Variants in GK5 observed in about 807,000 individuals in gnomAD.
GK5 encodes glycerol kinase 5.
A neutral mutation model predicts 77.3 loss-of-function variants in GK5; 39 were observed. The ratio of observed to expected loss-of-function variants is 0.50; its 90% CI spans 0.39 to 0.66. The LOEUF is 0.66. Ranked by LOEUF, GK5 falls within the 30% of genes least tolerant of loss-of-function variation. GK5 has a pLI of 0.00. For missense variants in GK5, 487 were observed against 633.8 expected, an observed-to-expected ratio of 0.77 and a Z score of 2.49; for synonymous variants, 211 against 208.0, an observed-to-expected ratio of 1.01 and a Z score of -0.13.
rs1160975293 is a variant in GK5 at position 142,165,368 on chromosome 3, C to T, written c.*254G>A. 1 of 327,418 alleles carries T rather than the reference C, an allele frequency of 3.1e-6. No homozygotes were observed. The highest frequency in any genetic ancestry group is 5.5e-6 in the Non-Finnish European group (1 of 183,278). The allele number at this position is 327,418 out of a possible 1,614,324, so 20.3% of individuals were successfully genotyped here. The stretch of plus-strand genomic sequence containing the variant: ...ACTGTCAAAATGTGGTTGGAAATGA[C>T]TAATGTCCTTTGGAATTTGCTACAA... On this transcript the variant is annotated 3_prime_UTR_variant, in exon 16 of 16. Transcript: ENST00000392993.
At chr3:142,185,499 A>G (rs543132689) in intron 9 of GK5, 1 of 996,070 alleles carries the variant, frequency 1.0e-6, no homozygotes, top group South Asian at 4.0e-5. Flanking sequence ...GGACTTTATT[A>G]AATGTACATA....
chr3:142,201,554 T>C (rs1414171190), intron 4 of GK5, among the ~76,000 whole-genome samples: 1 of 152,182 alleles, frequency 6.6e-6, no homozygotes, highest in Non-Finnish European at 1.5e-5. Context: ...ATCTTTGTAG[T>C]GACGGAACTG....
intron 5 of GK5, 40 bp downstream of exon 5, chr3:142,198,762 A>T: frequency 6.4e-7 from 1 of 1,550,778 alleles, no homozygotes; most frequent in East Asian, 2.3e-5. Context: ...TGGTTTCCAC[A>T]TACACACATA....
In GK5 at chr3:142,170,218, G is replaced by A. The variant is rs1351417611; in HGVS notation, c.1441+107C>T. On this transcript the variant is annotated intron_variant, in intron 15 of 15. Coordinates refer to ENST00000392993, the MANE Select transcript of GK5 (RefSeq NM_001039547.3). ...CATATGTGTATGGAGTTTAATGGAC[G>A]CCAAGGCTTTCCAGACTCTCTAGAA... The A allele has an allele frequency of 1.1e-5, 13 of 1,171,018 alleles. No homozygotes were observed. The African/African-American group carries it at 1.2e-4, about 11-fold the overall frequency. The allele number at this position is 1,171,018 out of a possible 1,614,324, so 72.5% of individuals were successfully genotyped here. A position where few individuals can be genotyped will look rare whatever the true frequency, so the allele number is the denominator to read the frequency against.
At chr3:142,195,055 G>A (rs1006843712) in intron 5 of GK5, among the ~76,000 whole-genome samples, 6 of 151,714 alleles carry the variant, frequency 4.0e-5, no homozygotes, top group African/African-American at 1.5e-4. Flanking sequence ...TTCCTAGTAC[G>A]TTGAGCATTT....
intron 5 of GK5, among the ~76,000 whole-genome samples, chr3:142,194,695 A>T (rs879885285): frequency 1.6e-4 from 24 of 147,638 alleles, no homozygotes; most frequent in Admixed American, 1.0e-3. Context: ...AAAAAAGAAA[A>T]TTTTTTTTTT....
At chr3:142,213,479 T>C (rs2064225259) in intron 3 of GK5, 47 bp downstream of exon 3, 4 of 1,067,720 alleles carry the variant, frequency 3.7e-6, no homozygotes, top group African/African-American at 1.6e-5. Flanking sequence ...GTGTACTCAC[T>C]GTGGCATGAA....
rs368474041 is a variant in GK5 at position 142,211,464 on chromosome 3, A to C, written c.317+2062T>G. Among the ~76,000 whole-genome samples the C allele has an allele frequency of 6.8e-4, 104 of 152,276 alleles. 1 individual carries two copies. The East Asian group carries it at 0.012, about 17-fold the overall frequency. ...GTAAGCACAGAGGAACTGCAGATGTAGGCATCAATCTGAGATGCAGCATGT... is the reference window on the plus strand; with the variant it reads ...GTAAGCACAGAGGAACTGCAGATGTCGGCATCAATCTGAGATGCAGCATGT... On this transcript the variant is annotated intron_variant, in intron 3 of 15. Transcript: ENST00000392993.
intron 9 of GK5, chr3:142,184,885 G>C (rs927819609): frequency 1.1e-4 from 104 of 985,400 alleles, no homozygotes; most frequent in Admixed American, 1.8e-4. Flanking sequence ...AGAACCCTCT[G>C]TCACTAATTG....
intron 1 of GK5, among the ~76,000 whole-genome samples, chr3:142,217,424 T>C (rs895769148): frequency 2.0e-5 from 3 of 151,756 alleles, no homozygotes; most frequent in Non-Finnish European, 4.4e-5. Context: ...AGAAGGGAGA[T>C]AGAAGAAAAT....
chr3:142,193,780 G>T (rs2063889762), intron 5 of GK5, among the ~76,000 whole-genome samples: 1 of 152,030 alleles, frequency 6.6e-6, no homozygotes, highest in African/African-American at 2.4e-5. Context: ...TCGCTCTGTT[G>T]CCCAGGCTGG....
chr3:142,194,806 T>C (rs1309424840), intron 5 of GK5, among the ~76,000 whole-genome samples: 2 of 151,242 alleles, frequency 1.3e-5, no homozygotes, highest in Non-Finnish European at 2.9e-5. Context: ...TACAAGATCA[T>C]GTCATCTGCA....
rs2063551895 is a variant in GK5, at chr3:142,172,453, G to A, written c.1147C>T (p.Pro383Ser). Reference sequence around the variant, plus strand: ...GCACATGCCCAGGGGTCATTTAATGGAGCCTACAGTAAGAGATAACAAGAA... The same window carrying A: ...GCACATGCCCAGGGGTCATTTAATGAAGCCTACAGTAAGAGATAACAAGAA... ...FVPSFSGLQAPLNDPWACASF... is the reference protein window; with the variant it reads ...FVPSFSGLQASLNDPWACASF... The change falls in exon 13 of 16, where the codon CCA becomes TCA. Residue 383 changes from proline (P) to serine (S), a missense_variant. This residue lies in a region of GK5 where 323 missense variants were observed against 437.4 expected (regional missense o/e 0.74). Transcript: ENST00000392993. 1 of 1,549,654 alleles carries A rather than the reference G, an allele frequency of 6.5e-7. No homozygotes were observed.
chr3:142,178,944 G>A (rs1047586815), intron 11 of GK5, among the ~76,000 whole-genome samples: 33 of 152,170 alleles, frequency 2.2e-4, no homozygotes, highest in African/African-American at 8.0e-4. Flanking sequence ...TATTGTCTAT[G>A]TTTTTCAATT....
intron 5 of GK5, among the ~76,000 whole-genome samples, chr3:142,198,015 C>G (rs1255951026): frequency 6.8e-6 from 1 of 147,386 alleles, no homozygotes; most frequent in Non-Finnish European, 1.5e-5. Context: ...GGGTGAGACT[C>G]TGTCTCAAAA....
At chr3:142,177,360 C>G (rs2063630332) in intron 12 of GK5, 122 bp downstream of exon 12, 2 of 630,630 alleles carry the variant, frequency 3.2e-6, no homozygotes, top group Non-Finnish European at 5.7e-6. Flanking sequence ...TAAAATCTAC[C>G]TTTCATCTTA....
intron 5 of GK5, among the ~76,000 whole-genome samples, chr3:142,188,057 TG>T (rs1272195724): frequency 6.6e-6 from 1 of 151,996 alleles, no homozygotes; most frequent in Non-Finnish European, 1.5e-5. Flanking sequence ...TGTTTTTTGT[TG>T]TTTTTTTTTT....
intron 5 of GK5, among the ~76,000 whole-genome samples, chr3:142,198,487 G>A (rs1281139901): frequency 1.3e-5 from 2 of 152,034 alleles, no homozygotes; most frequent in African/African-American, 4.8e-5. Context: ...GGTGGCACGC[G>A]CCTGTAGTCC....
At chr3:142,189,171 C>G (rs1463650025) in intron 5 of GK5, among the ~76,000 whole-genome samples, 2 of 152,160 alleles carry the variant, frequency 1.3e-5, no homozygotes, top group African/African-American at 4.8e-5. Context: ...CATTTATATT[C>G]ATATCCCCAA....
Sources: allele counts gnomAD v4.1 joint callset (sites outside exome capture counted in the v4.1 genomes callset), GRCh38; gene constraint gnomAD v4.1.1; regional missense constraint gnomAD v4.1.1; transcripts MANE v1.5; gene names NCBI Gene and HGNC (gene_info 2026-07-23, HGNC 2026-07-21).